The following TTC6 variants were observed in gnomAD, a reference collection of about 807,000 sequenced individuals.
TTC6 encodes tetratricopeptide repeat domain 6.
In TTC6, 172 loss-of-function variants were observed where a neutral mutation model predicts 210.4. That is an observed-to-expected ratio of 0.82 (90% CI 0.72 to 0.93). The LOEUF (loss-of-function observed/expected upper bound fraction) is 0.93. Among genes scored for constraint, TTC6 ranks in the 40% least tolerant of loss-of-function variants. The pLI, the probability that TTC6 is intolerant of heterozygous loss-of-function variation, is 0.00. For synonymous variants in TTC6, 804 were observed against 819.6 expected (o/e 0.98, Z 0.32); for missense variants, 2,414 against 2,318.1 (o/e 1.04, Z -0.85).
intron 29 of TTC6, among the ~76,000 whole-genome samples, chr14:37,832,130 G>A (rs2096186732): frequency 6.6e-6 from 1 of 151,860 alleles, no homozygotes; most frequent in Non-Finnish European, 1.5e-5. Flanking sequence ...GGAGAGACAG[G>A]GGTCTAGTTT....
At chr14:37,690,938 T>TG (rs1297586547) in intron 3 of TTC6, among the ~76,000 whole-genome samples, 1 of 152,160 alleles carries the variant, frequency 6.6e-6, no homozygotes, top group Non-Finnish European at 1.5e-5. Flanking sequence ...CCTTAGCATG[T>TG]GGATCATTCT....
chr14:37,790,072 T>C (rs2096076056), intron 15 of TTC6, among the ~76,000 whole-genome samples: 1 of 152,034 alleles, frequency 6.6e-6, no homozygotes, highest in Non-Finnish European at 1.5e-5. Context: ...CACACCTGGA[T>C]TACTGAGAGG....
intron 20 of TTC6, among the ~76,000 whole-genome samples, chr14:37,801,622 C>T (rs1595286824): frequency 6.6e-6 from 1 of 152,168 alleles, no homozygotes; most frequent in South Asian, 2.1e-4. Flanking sequence ...GTTGTGACTT[C>T]TTATGGAGAG....
chr14:37,803,850 T>G (rs1030747608), intron 20 of TTC6, among the ~76,000 whole-genome samples: 4 of 152,198 alleles, frequency 2.6e-5, no homozygotes, highest in African/African-American at 9.6e-5. Flanking sequence ...GGATGTTGGG[T>G]GGCTTGCAAA....
At chr14:37,767,498 G>T (rs1039895018) in intron 14 of TTC6, among the ~76,000 whole-genome samples, 2 of 152,134 alleles carry the variant, frequency 1.3e-5, no homozygotes, top group African/African-American at 2.4e-5. Context: ...CATTCTAACT[G>T]GTGTGAGATG....
intron 14 of TTC6, among the ~76,000 whole-genome samples, chr14:37,757,269 A>G (rs1411745986): frequency 6.6e-6 from 1 of 151,388 alleles, no homozygotes; most frequent in African/African-American, 2.4e-5. Flanking sequence ...TTAATTAATT[A>G]CTTTTTCTTG....
chr14:37,768,970 C>T (rs1368850232), intron 14 of TTC6, among the ~76,000 whole-genome samples: 14 of 151,956 alleles, frequency 9.2e-5, no homozygotes, highest in Admixed American at 2.6e-4. Flanking sequence ...TTTTGAAATA[C>T]GTCCCATCAA....
chr14:37,807,214 A>G (rs1481536343), intron 22 of TTC6, 106 bp from the exon 25 acceptor site: 1 of 1,042,534 alleles, frequency 9.6e-7, no homozygotes, highest in African/African-American at 1.6e-5. Context: ...ATATTTTAAT[A>G]CCCTTTTTGG....
At chr14:37,615,562 C>T (rs546596234) in intron 2 of TTC6, among the ~76,000 whole-genome samples, 1 of 151,982 alleles carries the variant, frequency 6.6e-6, no homozygotes, top group East Asian at 1.9e-4. Context: ...TTTTCCTAAT[C>T]AAATTTTTTT....
intron 26 of TTC6, among the ~76,000 whole-genome samples, chr14:37,823,187 A>C (rs2096161953): frequency 6.6e-6 from 1 of 152,122 alleles, no homozygotes; most frequent in Non-Finnish European, 1.5e-5. Flanking sequence ...CATTTAGCCA[A>C]ATACATTCAC....
intron 10 of TTC6, among the ~76,000 whole-genome samples, chr14:37,744,415 G>A (rs919900995): frequency 6.6e-5 from 10 of 152,208 alleles, no homozygotes; most frequent in Non-Finnish European, 1.5e-4. Flanking sequence ...CCTCTATAAG[G>A]TAGTGATATT....
chr14:37,706,140 G>C (rs2095835075), intron 5 of TTC6, among the ~76,000 whole-genome samples: 1 of 152,074 alleles, frequency 6.6e-6, no homozygotes, highest in South Asian at 2.1e-4. Context: ...TGAGTGCTTG[G>C]GGGAGGGATT....
chr14:37,676,026 A>G (rs1224970086), intron 1 of TTC6, among the ~76,000 whole-genome samples: 2 of 152,076 alleles, frequency 1.3e-5, no homozygotes, highest in African/African-American at 4.8e-5. Flanking sequence ...TGTGACTTCC[A>G]GAATATTCTT....
intron 1 of TTC6, among the ~76,000 whole-genome samples, chr14:37,675,261 G>T (rs72674270): frequency 2.6e-5 from 4 of 152,116 alleles, no homozygotes; most frequent in African/African-American, 9.6e-5. Context: ...GCAACAACAA[G>T]TTGGCTTTGT....
chr14:37,803,944 A>G (rs1252888188), intron 20 of TTC6, among the ~76,000 whole-genome samples: 1 of 152,340 alleles, frequency 6.6e-6, no homozygotes, highest in African/African-American at 2.4e-5. Context: ...ACAATTAAGA[A>G]GATGGTATAA....
chr14:37,691,047 C>T (rs759918478), intron 3 of TTC6, among the ~76,000 whole-genome samples: 4 of 151,970 alleles, frequency 2.6e-5, no homozygotes, highest in African/African-American at 7.2e-5. Flanking sequence ...AGAGTAAAAC[C>T]GGTCAGGTGT....
intron 15 of TTC6, among the ~76,000 whole-genome samples, 156 bp downstream of exon 17, chr14:37,787,793 T>C (rs553023611): frequency 4.6e-5 from 7 of 152,228 alleles, no homozygotes; most frequent in African/African-American, 1.7e-4. Context: ...AGCTTACGCA[T>C]TTTAATATTC....
chr14:37,728,977 G>A (rs928372749), intron 7 of TTC6, among the ~76,000 whole-genome samples: 3 of 152,050 alleles, frequency 2.0e-5, no homozygotes, highest in Admixed American at 2.0e-4. Context: ...CATTTTCATT[G>A]TCATTTATGT....
At position 37,753,083 on chromosome 14, in the gene TTC6, C is replaced by T. The variant is rs1308356999; in HGVS notation, c.3130-16C>T. On this transcript the variant is annotated splice_polypyrimidine_tract_variant and intron_variant, in intron 13 of 30. Coordinates refer to ENST00000553443, the Ensembl canonical transcript of TTC6. Reference sequence around the variant, plus strand: ...TTCATTTTGTGATGTTTATGTACCTCCCGCTGTCCCTATAGTGTATTTTTT... The same window carrying T: ...TTCATTTTGTGATGTTTATGTACCTTCCGCTGTCCCTATAGTGTATTTTTT... The T allele has an allele frequency of 2.0e-6, 3 of 1,517,848 alleles. No homozygotes were observed. Among genetic ancestry groups the T allele is most frequent in the Middle Eastern group, 3.4e-4 (2 of 5,908 alleles). 94.0% of individuals were successfully genotyped at this position (1,517,848 alleles called of 1,614,324 possible).
Sources: gnomAD v4.1 joint callset for allele counts (sites outside exome capture counted in the v4.1 genomes callset) on GRCh38, gnomAD v4.1.1 for gene constraint, MANE v1.5 for transcripts, NCBI Gene and HGNC (gene_info 2026-07-23, HGNC 2026-07-21) for gene names.